VWA3B: variants seen among roughly 807,000 people sequenced by gnomAD.
The protein encoded by VWA3B is von Willebrand factor A domain containing 3B.
Under a neutral mutation model 158.3 loss-of-function variants are expected in VWA3B, and 138 were observed. The ratio of observed to expected loss-of-function variants is 0.87; its 90% confidence interval spans 0.76 to 1.00. The LOEUF (loss-of-function observed/expected upper bound fraction) is 1.00, where lower values mean the gene tolerates loss of function less well. Among genes scored for constraint, VWA3B ranks in the 50% least tolerant of loss-of-function variants. The pLI, the probability that VWA3B is intolerant of heterozygous loss-of-function variation, is 0.00. For missense variants in VWA3B, 1,555 were observed against 1,565.1 expected (o/e 0.99, Z 0.11); for synonymous variants, 596 against 587.3 (o/e 1.01, Z -0.21).
chr2:98,112,552 C>T (rs1368522478), intron 2 of VWA3B, among the ~76,000 whole-genome samples: 3 of 151,652 alleles, frequency 2.0e-5, no homozygotes, highest in Non-Finnish European at 4.4e-5. Context: ...TATAATGTAT[C>T]TTTTTTTCTA....
At chr2:98,133,548 A>G in intron 6 of VWA3B, 1 of 411,806 alleles carries the variant, frequency 2.4e-6, no homozygotes. Context: ...TCATTTTCCC[A>G]GGACCAAGAA....
chr2:98,247,040 C>T (rs189066942), intron 19 of VWA3B, among the ~76,000 whole-genome samples: 1 of 152,030 alleles, frequency 6.6e-6, no homozygotes, highest in East Asian at 1.9e-4. Flanking sequence ...CACTGTCGCC[C>T]AGGCTGCAGT....
chr2:98,300,953 C>T (rs1373879009), intron 25 of VWA3B, among the ~76,000 whole-genome samples: 1 of 152,122 alleles, frequency 6.6e-6, no homozygotes, highest in East Asian at 1.9e-4. Flanking sequence ...CGGACAGGCA[C>T]AAAGTGGAGT....
chr2:98,234,745 G>A lies in VWA3B; in HGVS notation c.2406G>A (p.Arg802=), dbSNP rs755521611. 2 of 1,614,170 alleles carry A rather than the reference G, an allele frequency of 1.2e-6. No individual in the cohort carries two copies. Among genetic ancestry groups the A allele is most frequent in the East Asian group, 4.5e-5 (2 of 44,884 alleles). Residue 802 remains arginine, a synonymous_variant, in exon 17 of 28, where the codon CGG becomes CGA. Transcript: ENST00000477737. ...ATGGCCTCTCCAATGCCAGCAGCCG[G>A]AGGACTGCTCTAAGTGACAAAGGCA... ...RKDGLSNASS[R]RTALSDKEMS... is the part of the protein sequence containing the mutation.
chr2:98,181,178 C>T lies in VWA3B; in HGVS notation c.1277C>T (p.Ala426Val), dbSNP rs748563241. The change falls in exon 9 of 28, where the codon GCC becomes GTC. Residue 426 changes from alanine to valine, a missense_variant. Ala to Val is a moderately conservative substitution (Grantham distance 64, BLOSUM62 0). Coordinates refer to ENST00000477737, the MANE Select transcript of VWA3B (RefSeq NM_144992.5). ...GCTGATGGGGTTGTGGATATAAAAG[C>T]CAAACCGGAGAATGAGTCCGTGCAG... ...RHADGVVDIK[A>V]KPENESVQTS... is the part of the protein sequence containing the mutation. 1.9e-6 allele frequency: 3 copies of T among 1,614,156 alleles called. No individual in the cohort carries two copies. Among genetic ancestry groups the T allele is most frequent in the South Asian group, 2.2e-5 (2 of 91,088 alleles).
chr2:98,260,180 A>G (rs1687393450), intron 21 of VWA3B, among the ~76,000 whole-genome samples: 1 of 151,730 alleles, frequency 6.6e-6, no homozygotes, highest in African/African-American at 2.4e-5. Flanking sequence ...TGTGCACTTA[A>G]TGTATATTCT....
intron 12 of VWA3B, among the ~76,000 whole-genome samples, chr2:98,200,047 T>G (rs888496846): frequency 6.6e-6 from 1 of 152,238 alleles, no homozygotes; most frequent in Non-Finnish European, 1.5e-5. Context: ...TTAGACATTC[T>G]AATATGGCTG....
intron 8 of VWA3B, among the ~76,000 whole-genome samples, chr2:98,165,914 G>T (rs1230081276): frequency 6.6e-6 from 1 of 152,184 alleles, no homozygotes; most frequent in Admixed American, 6.5e-5. Flanking sequence ...ACCTCCGCCC[G>T]GCAAAGAGAA....
At chr2:98,198,138 G>A (rs533814594) in intron 12 of VWA3B, among the ~76,000 whole-genome samples, 72 of 151,782 alleles carry the variant, frequency 4.7e-4, no homozygotes, top group Non-Finnish European at 8.2e-4. Context: ...CAAATCATGC[G>A]TTCATACTGA....
At chr2:98,225,026 A>G (rs1466688297) in intron 14 of VWA3B, among the ~76,000 whole-genome samples, 3 of 152,148 alleles carry the variant, frequency 2.0e-5, no homozygotes, top group African/African-American at 4.8e-5. Context: ...CTCCACCTCT[A>G]TGGTTCAAGC....
At chr2:98,132,044 A>G (rs1675911464) in intron 6 of VWA3B, among the ~76,000 whole-genome samples, 1 of 152,160 alleles carries the variant, frequency 6.6e-6, no homozygotes, top group Non-Finnish European at 1.5e-5. Flanking sequence ...CGCTAGTTGA[A>G]AGAGAAGAGG....
At chr2:98,255,159 G>A (rs1040436636) in intron 20 of VWA3B, among the ~76,000 whole-genome samples, 4 of 134,138 alleles carry the variant, frequency 3.0e-5, no homozygotes, top group African/African-American at 1.2e-4. Flanking sequence ...GAGTACAGTC[G>A]CCCGCCACCA....
intron 14 of VWA3B, among the ~76,000 whole-genome samples, chr2:98,219,858 G>T (rs1206814438): frequency 1.3e-5 from 2 of 152,068 alleles, no homozygotes; most frequent in East Asian, 3.8e-4. Flanking sequence ...ATATAAAATA[G>T]ACTTTTTAAG....
intron 19 of VWA3B, among the ~76,000 whole-genome samples, chr2:98,237,998 T>C (rs1002864933): frequency 1.3e-5 from 2 of 152,198 alleles, no homozygotes; most frequent in African/African-American, 4.8e-5. Context: ...TTTGAAATTT[T>C]CCATAAAAAG....
the VWA3B span, among the ~76,000 whole-genome samples, chr2:98,319,550 G>A: frequency 6.6e-6 from 1 of 152,116 alleles, no homozygotes; most frequent in Non-Finnish European, 1.5e-5. Flanking sequence ...ATGAAAAGAT[G>A]TTTAACTTCA....
chr2:98,223,138 TA>T (rs539658378), intron 14 of VWA3B, among the ~76,000 whole-genome samples: 2 of 151,920 alleles, frequency 1.3e-5, no homozygotes, highest in South Asian at 2.1e-4. Flanking sequence ...GTAGGAATTA[TA>T]AAAAAAATTC....
At chr2:98,317,811 G>T (rs1031230382), downstream of VWA3B, among the ~76,000 whole-genome samples, 2 of 152,164 alleles carry the variant, frequency 1.3e-5, no homozygotes, top group Non-Finnish European at 2.9e-5. Context: ...TGAGGGCTGT[G>T]TCACGGGCCA....
intron 2 of VWA3B, among the ~76,000 whole-genome samples, chr2:98,093,710 A>G (rs1682517914): frequency 6.6e-6 from 1 of 152,192 alleles, no homozygotes; most frequent in Non-Finnish European, 1.5e-5. Context: ...ATCATTAACT[A>G]TGATCACCAT....
At position 98,311,972 on chromosome 2, in the gene VWA3B, C is replaced by A. The variant is rs748785642; in HGVS notation, c.3675C>A (p.Asp1225Glu). ...PLQQAAPSDS[D>E]GSSHGISSHG... ...AGCAGGCGGCGCCCTCGGACTCGGA[C>A]GGCTCCTCCCACGGCATCAGCTCCC... Residue 1225 changes from aspartate to glutamate, a missense_variant, in exon 27 of 28, where the codon GAC becomes GAA. By Grantham distance (45) the Asp-to-Glu change is conservative (BLOSUM62 2). Transcript: ENST00000477737. 1 of 1,604,534 alleles carries A rather than the reference C, an allele frequency of 6.2e-7. No homozygotes were observed. The highest frequency in any genetic ancestry group is 1.1e-5 in the South Asian group (1 of 89,388).
Sources: allele counts gnomAD v4.1 joint callset (sites outside exome capture counted in the v4.1 genomes callset), GRCh38; gene constraint gnomAD v4.1.1; transcripts MANE v1.5; gene names NCBI Gene and HGNC (gene_info 2026-07-23, HGNC 2026-07-21).